The following COL5A2 variants were observed in gnomAD, a reference collection of about 807,000 sequenced individuals.
COL5A2 encodes the protein collagen alpha-2(V) chain.
In COL5A2, 23 loss-of-function variants were observed where a neutral mutation model predicts 208.2. That is an observed-to-expected ratio of 0.11 (90% CI 0.08 to 0.16). The LOEUF is 0.16. Ranked by LOEUF, COL5A2 falls within the 10% of genes least tolerant of loss-of-function variation. The pLI, the probability that COL5A2 is intolerant of heterozygous loss-of-function variation, is 1.00. For synonymous variants in COL5A2, 625 were observed against 628.5 expected (o/e 0.99, Z 0.08); for missense variants, 1,590 against 1,956.4 (o/e 0.81, Z 3.53).
At chr2:189,343,411 T>A in the COL5A2 span, among the ~76,000 whole-genome samples, 6 of 152,114 alleles carry the variant, frequency 3.9e-5, no homozygotes, top group Non-Finnish European at 8.8e-5. Flanking sequence ...ATTAGTATTT[T>A]ATATTTGAGA....
chr2:189,110,313 A>T lies in COL5A2; in HGVS notation c.234T>A (p.Asp78Glu), dbSNP rs1202611195. The change falls in exon 2 of 54, where the codon GAT becomes GAA. Residue 78 changes from aspartate (D) to glutamate (E), a missense_variant. Coordinates refer to ENST00000374866, the MANE Select transcript of COL5A2 (RefSeq NM_000393.5). ...TTACAGGGTCGGCACAGTCCAGCAC[A>T]TCCTGGCATTCTATCTTGTCACAGA... ...AILCDKIECQ[D>E]VLDCADPVTP... 5 of 1,614,170 alleles carry T rather than the reference A, an allele frequency of 3.1e-6. No individual in the cohort carries two copies. The highest frequency in any genetic ancestry group is 3.4e-6 in the Non-Finnish European group (4 of 1,180,018).
the COL5A2 span, among the ~76,000 whole-genome samples, chr2:189,396,517 C>A: frequency 2.0e-5 from 3 of 150,600 alleles, no homozygotes; most frequent in Admixed American, 2.0e-4. Flanking sequence ...ACTAAAAATA[C>A]AAAAAAATTA....
chr2:189,251,942 G>A, the COL5A2 span, among the ~76,000 whole-genome samples: 1 of 152,154 alleles, frequency 6.6e-6, no homozygotes, highest in South Asian at 2.1e-4. Flanking sequence ...CCATCAACAA[G>A]TGGGCGAAGG....
At chr2:189,078,636 C>T in intron 15 of COL5A2, 67 bp from the exon 16 acceptor site, 1 of 1,192,102 alleles carries the variant, frequency 8.4e-7, no homozygotes, top group Non-Finnish European at 1.3e-6. Context: ...GTCTGACTAC[C>T]CCACTCAATC....
chr2:189,417,534 G>C, the COL5A2 span, among the ~76,000 whole-genome samples: 2 of 151,612 alleles, frequency 1.3e-5, no homozygotes, highest in East Asian at 3.9e-4. Flanking sequence ...ATCCCTGTTG[G>C]AATTCTAATT....
chr2:189,269,887 C>T, the COL5A2 span, among the ~76,000 whole-genome samples: 5 of 151,716 alleles, frequency 3.3e-5, no homozygotes, highest in Non-Finnish European at 7.4e-5. Context: ...TGTAGTAGGC[C>T]ATTAATTACT....
intron 29 of COL5A2, among the ~76,000 whole-genome samples, chr2:189,062,068 C>A (rs1036525626): frequency 4.0e-5 from 6 of 151,856 alleles, no homozygotes; most frequent in Non-Finnish European, 8.8e-5. Flanking sequence ...CCCCACCCCC[C>A]CAAAAAAATA....
Position 189,049,363 on chromosome 2 carries a change from C to T in COL5A2, c.3131G>A (p.Gly1044Glu). Reference protein sequence around the residue: ...VGPPGSNGPVGEPGPEGPAGN... With the variant: ...VGPPGSNGPVEEPGPEGPAGN... ...AGTACTCACTTCTGGTCCAGGTTCC[C>T]CTACAGGACCATTGGAGCCTGGGGG... is the stretch of plus-strand genomic sequence containing the variant. The change falls in exon 44 of 54, where the codon GGG becomes GAG. Residue 1044 changes from glycine to glutamate, a missense_variant. Gly to Glu is a moderately conservative substitution (Grantham distance 98, BLOSUM62 -2). Transcript: ENST00000374866. 1.2e-6 allele frequency: 2 copies of T among 1,611,124 alleles called. No individual in the cohort carries two copies. Among genetic ancestry groups the T allele is most frequent in the Non-Finnish European group, 1.7e-6 (2 of 1,177,894 alleles).
chr2:189,144,734 C>A (rs1308778998), intron 1 of COL5A2, among the ~76,000 whole-genome samples: 1 of 152,030 alleles, frequency 6.6e-6, no homozygotes, highest in African/African-American at 2.4e-5. Flanking sequence ...GATGCACTAA[C>A]CAGTCAGCGT....
At chr2:189,381,920 T>C in the COL5A2 span, among the ~76,000 whole-genome samples, 1 of 152,092 alleles carries the variant, frequency 6.6e-6, no homozygotes, top group Admixed American at 6.5e-5. Context: ...TAGCCCTTTA[T>C]TATTGTGTCA....
chr2:189,409,572 T>C, the COL5A2 span, among the ~76,000 whole-genome samples: 8 of 152,152 alleles, frequency 5.3e-5, no homozygotes, highest in African/African-American at 1.7e-4. Flanking sequence ...GGAAACAAGA[T>C]GGAAAAACTT....
chr2:189,050,771 C>A, intron 42 of COL5A2, 95 bp from the exon 43 acceptor site: 1 of 1,065,306 alleles, frequency 9.4e-7, no homozygotes, highest in East Asian at 2.6e-5. Context: ...ACAGGTTTTT[C>A]AGTATGAAAA....
chr2:189,240,551 A>G, the COL5A2 span, among the ~76,000 whole-genome samples: 1 of 152,206 alleles, frequency 6.6e-6, no homozygotes, highest in Admixed American at 6.5e-5. Flanking sequence ...AAAGTATTGG[A>G]TAACTTAAAA....
At chr2:189,382,597 G>A in the COL5A2 span, among the ~76,000 whole-genome samples, 6 of 152,186 alleles carry the variant, frequency 3.9e-5, no homozygotes, top group South Asian at 4.1e-4. Flanking sequence ...CAGCTGTTAC[G>A]CACGTCCATA....
At chr2:189,107,206 T>G (rs536856371) in intron 2 of COL5A2, among the ~76,000 whole-genome samples, 1 of 151,724 alleles carries the variant, frequency 6.6e-6, no homozygotes, top group South Asian at 2.1e-4. Flanking sequence ...CTGGACTTGC[T>G]GCTTTGGGAA....
chr2:189,039,508 G>C lies in COL5A2; in HGVS notation c.3689C>G (p.Thr1230Arg), dbSNP rs62184175. Residue 1230 changes from threonine (T) to arginine (R), a missense_variant, in exon 51 of 54, where the codon ACA becomes AGA. By Grantham distance (71) the Thr-to-Arg change is moderately conservative. Coordinates refer to ENST00000374866, the MANE Select transcript of COL5A2 (RefSeq NM_000393.5). Reference sequence around the variant, plus strand: ...CCCCATGATATCCCCAAGAGCAGCTGTAAGGTGGCCAGGGGGACCCGGAGG... The same window carrying C: ...CCCCATGATATCCCCAAGAGCAGCTCTAAGGTGGCCAGGGGGACCCGGAGG... ...PGPPGPPGHL[T>R]AALGDIMGHY... The C allele has an allele frequency of 7.6e-3, 12,199 of 1,614,060 alleles. 64 individuals carry two copies. The highest frequency in any genetic ancestry group is 9.4e-3 in the Non-Finnish European group (11,045 of 1,180,016).
chr2:189,422,267 TAG>T, the COL5A2 span, among the ~76,000 whole-genome samples: 1 of 151,554 alleles, frequency 6.6e-6, no homozygotes, highest in Non-Finnish European at 1.5e-5. Flanking sequence ...TTTAGGAAAA[TAG>T]AGAGAGATAA....
the COL5A2 span, among the ~76,000 whole-genome samples, chr2:189,316,882 A>T: frequency 2.6e-5 from 4 of 152,154 alleles, no homozygotes; most frequent in South Asian, 8.3e-4. Context: ...AAAATAACTT[A>T]AAAGTGTAGT....
chr2:189,165,356 C>A (rs574607491), intron 1 of COL5A2, among the ~76,000 whole-genome samples: 1 of 152,232 alleles, frequency 6.6e-6, no homozygotes, highest in East Asian at 1.9e-4. Context: ...TTACTATTGT[C>A]ATTTCAAATC....
Sources: gnomAD v4.1 joint callset for allele counts (sites outside exome capture counted in the v4.1 genomes callset) on GRCh38, gnomAD v4.1.1 for gene constraint, MANE v1.5 for transcripts, NCBI Gene and HGNC (gene_info 2026-07-23, HGNC 2026-07-21) for gene names.